Variants in FOXP2 observed in about 807,000 individuals in gnomAD.
The protein encoded by FOXP2 is forkhead box P2, also known as forkhead box protein P2.
In FOXP2, 12 loss-of-function variants were observed where a neutral mutation model predicts 115.8. The observed-to-expected ratio is 0.10, with a 90% CI of 0.07 to 0.17. FOXP2 has a LOEUF of 0.17. Among genes scored for constraint, FOXP2 ranks in the 10% least tolerant of loss-of-function variants. The pLI, the probability that FOXP2 is intolerant of heterozygous loss-of-function variation, is 1.00. For missense variants in FOXP2, 629 were observed against 843.5 expected (o/e 0.75, Z 3.15); for synonymous variants, 328 against 297.7 (o/e 1.10, Z -1.05).
chr7:114,259,357 A>G (rs1460472251), intron 1 of FOXP2, among the ~76,000 whole-genome samples: 1 of 152,226 alleles, frequency 6.6e-6, no homozygotes, highest in Non-Finnish European at 1.5e-5. Flanking sequence ...AATTATGTTC[A>G]GTGACCTAAC....
At chr7:114,162,792 A>G (rs544934780), upstream of FOXP2, among the ~76,000 whole-genome samples, 1 of 152,222 alleles carries the variant, frequency 6.6e-6, no homozygotes, top group South Asian at 2.1e-4. Flanking sequence ...TACTAGATTT[A>G]TTTATTATAA....
intron 3 of FOXP2, among the ~76,000 whole-genome samples, chr7:114,591,043 C>A (rs1470160524): frequency 6.6e-6 from 1 of 152,054 alleles, no homozygotes; most frequent in Non-Finnish European, 1.5e-5. Flanking sequence ...TATGCTCAAA[C>A]CAGTCCAATA....
intron 1 of FOXP2, among the ~76,000 whole-genome samples, chr7:114,117,933 A>T (rs939922232): frequency 2.0e-5 from 3 of 152,094 alleles, no homozygotes; most frequent in Non-Finnish European, 1.5e-5. Context: ...TGTGACTCTT[A>T]TAAGGGTCAC....
chr7:114,347,155 G>A (rs1205903434), intron 2 of FOXP2, among the ~76,000 whole-genome samples: 1 of 151,770 alleles, frequency 6.6e-6, no homozygotes, highest in Non-Finnish European at 1.5e-5. Flanking sequence ...TATTGTTTAT[G>A]AAAAACATAA....
intron 2 of FOXP2, among the ~76,000 whole-genome samples, chr7:114,512,726 A>T (rs182960517): frequency 1.8e-4 from 27 of 152,320 alleles, no homozygotes; most frequent in Admixed American, 1.8e-3. Flanking sequence ...ACACTTTAAA[A>T]ATTAGTAGTA....
At chr7:114,162,775 A>C (rs955521735), upstream of FOXP2, among the ~76,000 whole-genome samples, 1 of 152,070 alleles carries the variant, frequency 6.6e-6, no homozygotes, top group Non-Finnish European at 1.5e-5. Context: ...AGTGGTGTTA[A>C]TTTAAATACT....
At chr7:114,247,498 C>A (rs999143516) in intron 1 of FOXP2, among the ~76,000 whole-genome samples, 3 of 152,120 alleles carry the variant, frequency 2.0e-5, no homozygotes, top group Non-Finnish European at 4.4e-5. Flanking sequence ...CCTCCCTTCT[C>A]TTTTATGTCC....
At chr7:114,362,743 T>A (rs1584666936) in intron 2 of FOXP2, among the ~76,000 whole-genome samples, 2 of 152,052 alleles carry the variant, frequency 1.3e-5, no homozygotes, top group Admixed American at 1.3e-4. Context: ...ATCGAACTTT[T>A]AAAAAAATAT....
chr7:114,567,056 G>C (rs1230195765), intron 3 of FOXP2, among the ~76,000 whole-genome samples: 1 of 151,928 alleles, frequency 6.6e-6, no homozygotes, highest in African/African-American at 2.4e-5. Context: ...ACTCATATAG[G>C]AGAGTCTTTA....
chr7:114,550,754 T>C (rs1584884380), intron 3 of FOXP2, among the ~76,000 whole-genome samples: 2 of 152,232 alleles, frequency 1.3e-5, no homozygotes, highest in South Asian at 4.1e-4. Flanking sequence ...AGTGCTAAGA[T>C]GTATGTTACC....
chr7:114,393,616 C>T (rs11976570), intron 2 of FOXP2, among the ~76,000 whole-genome samples: 10,844 of 151,420 alleles, frequency 0.072, 411 homozygotes, highest in Middle Eastern at 0.15. Context: ...GGACATATCT[C>T]CAGAAGGGAT....
At chr7:114,283,677 C>G (rs1199422484) in intron 1 of FOXP2, among the ~76,000 whole-genome samples, 1 of 151,868 alleles carries the variant, frequency 6.6e-6, no homozygotes, top group Non-Finnish European at 1.5e-5. Flanking sequence ...AATAAATCAC[C>G]TAGGCTGGGC....
intron 1 of FOXP2, among the ~76,000 whole-genome samples, chr7:114,142,632 T>G (rs1792250234): frequency 6.6e-6 from 1 of 152,162 alleles, no homozygotes; most frequent in African/African-American, 2.4e-5. Context: ...TTGGTTGGCA[T>G]TTGCCATATC....
intron 1 of FOXP2, among the ~76,000 whole-genome samples, chr7:114,281,581 C>G (rs1193811203): frequency 6.6e-6 from 1 of 152,082 alleles, no homozygotes; most frequent in East Asian, 1.9e-4. Context: ...TTCCATTTTA[C>G]TATTACTCTT....
In FOXP2 at chr7:114,642,963, C is replaced by A. The variant is rs6953159; in HGVS notation, c.989+340C>A. ...AGCTGGGACTACAGGCGCCCGCCCC[C>A]ACGCCTGGCTAATTTTTTGTATTTT... On this transcript the variant is annotated intron_variant, in intron 7 of 16. Coordinates refer to ENST00000350908, the MANE Select transcript of FOXP2 (RefSeq NM_014491.4). Among the ~76,000 whole-genome samples the A allele has an allele frequency of 9.9e-3, 1,501 of 150,944 alleles. 21 individuals carry two copies. The highest frequency in any genetic ancestry group is 0.035 in the African/African-American group (1,423 of 41,182).
At position 114,149,791 on chromosome 7, in the gene FOXP2, C is replaced by G. The variant is rs1037386684; in HGVS notation, c.-246-13153C>G. 3.9e-5 allele frequency among the ~76,000 whole-genome samples: 6 copies of G among 152,062 alleles called. No homozygotes were observed. In the East Asian group the frequency reaches 1.2e-3, roughly 29 times the overall value. On this transcript the variant is annotated intron_variant, in intron 1 of 19. Coordinates refer to the FOXP2 transcript ENST00000635638. ...TAGCAGTGTCATGGATAAAATTAGA[C>G]TCAATTTTAGTACGCTCATGTTGAG...
intron 3 of FOXP2, among the ~76,000 whole-genome samples, chr7:114,549,579 T>G (rs1471523522): frequency 6.6e-6 from 1 of 152,190 alleles, no homozygotes; most frequent in African/African-American, 2.4e-5. Context: ...TGTCATCACT[T>G]CATCCAGGGC....
At chr7:114,285,082 G>A (rs1679456788) in intron 1 of FOXP2, among the ~76,000 whole-genome samples, 2 of 152,090 alleles carry the variant, frequency 1.3e-5, no homozygotes, top group African/African-American at 4.8e-5. Flanking sequence ...AAGTGTACTA[G>A]GCTCAATACC....
chr7:114,290,722 AGGTT>A (rs978438398), intron 2 of FOXP2, among the ~76,000 whole-genome samples: 1 of 152,062 alleles, frequency 6.6e-6, no homozygotes, highest in Non-Finnish European at 1.5e-5. Context: ...TGAGAATGCA[AGGTT>A]GGAAATCAGA....
Sources: gnomAD v4.1 joint callset for allele counts (sites outside exome capture counted in the v4.1 genomes callset) on GRCh38, gnomAD v4.1.1 for gene constraint, MANE v1.5 for transcripts, NCBI Gene and HGNC (gene_info 2026-07-23, HGNC 2026-07-21) for gene names.